SAMD12: variants seen among roughly 807,000 people sequenced by gnomAD.
The protein encoded by SAMD12 is sterile alpha motif domain-containing protein 12.
SAMD12 carries 9 observed loss-of-function variants against 15.0 expected under a neutral mutation model. The ratio of observed to expected loss-of-function variants is 0.60; its 90% CI spans 0.36 to 1.05. SAMD12 has a LOEUF of 1.05. SAMD12 is among the 50% of genes least tolerant of loss of function. The pLI is 0.01. For synonymous variants in SAMD12, 86 were observed against 90.1 expected, an observed-to-expected ratio of 0.96 and a Z score of 0.25; for missense variants, 230 against 234.2, an observed-to-expected ratio of 0.98 and a Z score of 0.12.
intron 2 of SAMD12, among the ~76,000 whole-genome samples, chr8:118,548,047 C>G (rs1826182145): frequency 6.6e-6 from 1 of 152,068 alleles, no homozygotes; most frequent in African/African-American, 2.4e-5. Context: ...AAGGAAACCA[C>G]AGCCCAGGAG....
intron 2 of SAMD12, among the ~76,000 whole-genome samples, chr8:118,466,846 A>T (rs1823609605): frequency 1.3e-5 from 2 of 152,196 alleles, no homozygotes; most frequent in African/African-American, 4.8e-5. Flanking sequence ...TTAAACCGAA[A>T]ATTAGATTCC....
chr8:118,241,385 A>C (rs1448111265), intron 4 of SAMD12, among the ~76,000 whole-genome samples: 1 of 152,104 alleles, frequency 6.6e-6, no homozygotes, highest in Admixed American at 6.6e-5. Flanking sequence ...GTTCAGAGAG[A>C]TGAGTTGCCT....
intron 3 of SAMD12, among the ~76,000 whole-genome samples, chr8:118,435,542 A>G (rs1267493884): frequency 6.6e-6 from 1 of 152,200 alleles, no homozygotes; most frequent in Non-Finnish European, 1.5e-5. Context: ...TGGGCACAAT[A>G]AAATTATCAA....
chr8:118,183,448 G>T, the SAMD12 span, among the ~76,000 whole-genome samples: 70 of 152,300 alleles, frequency 4.6e-4, no homozygotes, highest in Non-Finnish European at 1.6e-4. Flanking sequence ...AAGTACCTGT[G>T]ATCCTGAAGA....
intron 1 of SAMD12, among the ~76,000 whole-genome samples, chr8:118,619,417 T>A (rs537465242): frequency 6.8e-6 from 1 of 146,798 alleles, no homozygotes; most frequent in African/African-American, 2.6e-5. Context: ...AGGCGGAGCT[T>A]GCAGTGAGCT....
rs373831492 is a variant in SAMD12 at position 118,439,944 on chromosome 8, T to G, written c.210A>C (p.Leu70=). 2.5e-6 allele frequency: 4 copies of G among 1,613,720 alleles called. No homozygotes were observed. Among genetic ancestry groups the G allele is most frequent in the South Asian group, 1.1e-5 (1 of 91,076 alleles). ...GGGTCCATAGAGCCACCGGTTTAGA[T>G]AGCTTCACCGTAGCTGACTATAAAT... The part of the protein sequence containing the change: ...AETAKSATVK[L]SKPVALWTQQ... Residue 70 remains leucine, a synonymous_variant, in exon 3 of 4, where the codon CTA becomes CTC. Transcript: ENST00000314727.
chr8:118,184,904 T>TC (rs200457823), downstream of SAMD12, among the ~76,000 whole-genome samples: 35 of 23,564 alleles, frequency 1.5e-3, no homozygotes, highest in African/African-American at 3.0e-3. Context: ...CCATTTGTTC[T>TC]TTTTTTTTTT....
intron 2 of SAMD12, among the ~76,000 whole-genome samples, chr8:118,572,644 C>T (rs1827046120): frequency 6.6e-6 from 1 of 152,158 alleles, no homozygotes; most frequent in African/African-American, 2.4e-5. Context: ...TTGCCTGCTG[C>T]CAAACATGTA....
At chr8:118,438,591 G>A (rs1157912484) in intron 3 of SAMD12, among the ~76,000 whole-genome samples, 2 of 151,942 alleles carry the variant, frequency 1.3e-5, no homozygotes, top group Admixed American at 6.6e-5. Flanking sequence ...GAAAACCATC[G>A]ACTGAGACCT....
At chr8:118,494,614 A>T (rs1365829413) in intron 2 of SAMD12, among the ~76,000 whole-genome samples, 1 of 152,186 alleles carries the variant, frequency 6.6e-6, no homozygotes, top group East Asian at 1.9e-4. Context: ...AGTCCCAAAC[A>T]CCTTCCTCTT....
exon 5 of SAMD12, chr8:118,192,033 C>T (rs1461239656): frequency 6.6e-6 from 1 of 151,206 alleles, no homozygotes; most frequent in African/African-American, 2.4e-5. Context: ...TGGGAGAAGA[C>T]CATGATCAGT....
rs1013412475 is a variant in SAMD12, at chr8:118,621,873, C to G, written c.-57G>C. ...TTTCTTGGCCGAGGTACTCCTCCTG[C>G]CCCGCGCTCCCCCCTTCCTCTCGCT... On this transcript the variant is annotated 5_prime_UTR_variant, in exon 1 of 4. Coordinates refer to ENST00000314727, the MANE Select transcript of SAMD12 (RefSeq NM_207506.3). 1.1e-5 allele frequency: 17 copies of G among 1,569,566 alleles called. No homozygotes were observed. The highest frequency in any genetic ancestry group is 1.4e-5 in the Non-Finnish European group (16 of 1,139,444).
rs553359695 is a variant in SAMD12 at position 118,454,155 on chromosome 8, C to G, written c.193-14194G>C. On this transcript the variant is annotated intron_variant, in intron 2 of 3. Coordinates refer to ENST00000314727, the MANE Select transcript of SAMD12 (RefSeq NM_207506.3). ...AGAAATGGTTTTGGGGGTAAACATT[C>G]TCAGTCCCTGCATGTCAGAAAAAGT... is the stretch of plus-strand genomic sequence containing the variant. Among the ~76,000 whole-genome samples the G allele has an allele frequency of 1.1e-4, 17 of 152,312 alleles. No individual in the cohort carries two copies. The East Asian group carries it at 2.9e-3, about 26-fold the overall frequency.
chr8:118,471,301 A>C (rs1320698557), intron 2 of SAMD12, among the ~76,000 whole-genome samples: 2 of 152,194 alleles, frequency 1.3e-5, no homozygotes, highest in Non-Finnish European at 2.9e-5. Context: ...AATTTGATAT[A>C]CAAATTATTC....
chr8:118,346,386 G>A (rs1005347577), intron 4 of SAMD12, among the ~76,000 whole-genome samples: 2 of 152,114 alleles, frequency 1.3e-5, no homozygotes, highest in Non-Finnish European at 2.9e-5. Context: ...AGTCAGTTTT[G>A]CTCTCTCAAT....
chr8:118,499,586 T>C (rs1824719920), intron 2 of SAMD12, among the ~76,000 whole-genome samples: 1 of 152,208 alleles, frequency 6.6e-6, no homozygotes, highest in Non-Finnish European at 1.5e-5. Flanking sequence ...CTGTTTTACA[T>C]TTCTAGAACA....
chr8:118,612,723 C>T (rs958724841), intron 1 of SAMD12, among the ~76,000 whole-genome samples: 1 of 152,212 alleles, frequency 6.6e-6, no homozygotes, highest in Non-Finnish European at 1.5e-5. Context: ...GCTATTTACA[C>T]AAGAGAAATA....
chr8:118,147,544 T>C, the SAMD12 span, among the ~76,000 whole-genome samples: 9 of 150,074 alleles, frequency 6.0e-5, no homozygotes, highest in African/African-American at 2.2e-4. Context: ...GTCTCTTTAG[T>C]AGAGATGGGG....
At chr8:118,399,894 G>A (rs572845839) in intron 3 of SAMD12, among the ~76,000 whole-genome samples, 88 of 152,202 alleles carry the variant, frequency 5.8e-4, no homozygotes, top group African/African-American at 2.1e-3. Flanking sequence ...AGGCTTCTAG[G>A]TTACCTGTCT....
Sources: allele counts gnomAD v4.1 joint callset (sites outside exome capture counted in the v4.1 genomes callset), GRCh38; gene constraint gnomAD v4.1.1; transcripts MANE v1.5; gene names NCBI Gene and HGNC (gene_info 2026-07-23, HGNC 2026-07-21).